Variants in FHDC1 observed in about 807,000 individuals in gnomAD.
FHDC1 encodes FH2 domain containing 1.
A neutral mutation model predicts 52.6 loss-of-function variants in FHDC1; 25 were observed. The observed-to-expected ratio is 0.48, with a 90% CI of 0.35 to 0.66. The LOEUF is 0.66. Among genes scored for constraint, FHDC1 ranks in the 30% least tolerant of loss-of-function variants. FHDC1 has a pLI of 0.01. For missense variants in FHDC1, 1,459 were observed against 1,452.8 expected (o/e 1.00, Z -0.07); for synonymous variants, 616 against 581.5 (o/e 1.06, Z -0.85).
chr4:152,945,078 G>C (rs1739689509), intron 2 of FHDC1, among the ~76,000 whole-genome samples: 1 of 152,188 alleles, frequency 6.6e-6, no homozygotes, highest in South Asian at 2.1e-4. Flanking sequence ...CGTGTCCCGG[G>C]GAGGCAGCTG....
chr4:152,936,855 C>G (rs1352784190), intron 1 of FHDC1, among the ~76,000 whole-genome samples: 1 of 152,274 alleles, frequency 6.6e-6, no homozygotes, highest in African/African-American at 2.4e-5. Context: ...AATGCGCAGC[C>G]GCGGCGCCGC....
chr4:152,942,094 T>G (rs188090617), intron 1 of FHDC1, among the ~76,000 whole-genome samples: 1 of 152,182 alleles, frequency 6.6e-6, no homozygotes, highest in African/African-American at 2.4e-5. Flanking sequence ...ATGTGGCAGA[T>G]GTGACATGGG....
At chr4:152,920,886 T>C in the FHDC1 span, among the ~76,000 whole-genome samples, 5 of 151,998 alleles carry the variant, frequency 3.3e-5, no homozygotes, top group African/African-American at 1.2e-4. Context: ...GAAAGACCAT[T>C]ATAAATAATT....
At chr4:152,970,266 G>A (rs1055235183) in intron 10 of FHDC1, among the ~76,000 whole-genome samples, 9 of 152,214 alleles carry the variant, frequency 5.9e-5, no homozygotes, top group African/African-American at 2.2e-4. Context: ...TGTGTAGCAG[G>A]CAAGTTAGAG....
chr4:152,922,038 A>G, the FHDC1 span, among the ~76,000 whole-genome samples: 1 of 152,302 alleles, frequency 6.6e-6, no homozygotes, highest in East Asian at 1.9e-4. Context: ...AGAGACACAA[A>G]AAACCCTTCA....
chr4:152,962,973 G>GTGTGTGTA, intron 7 of FHDC1, 50 bp from the exon 8 acceptor site: 3 of 1,506,694 alleles, frequency 2.0e-6, no homozygotes, highest in Middle Eastern at 1.7e-4. Flanking sequence ...GTGTGTGTGT[G>GTGTGTGTA]TGTGTGTGTA....
In FHDC1 at chr4:152,975,558, C is replaced by T. The variant is rs762013320; in HGVS notation, c.2267C>T (p.Ser756Phe). ...PDEPGSAALG[S>F]VGSSDPENKD... ...GAGCCTGGAAGTGCAGCTTTGGGAT[C>T]TGTGGGTAGCAGCGACCCTGAGAAC... Residue 756 changes from serine to phenylalanine, a missense_variant, in exon 12 of 12, where the codon TCT (serine) becomes TTT (phenylalanine). By Grantham distance (155) the Ser-to-Phe change is radical. Coordinates refer to ENST00000511601, the MANE Select transcript of FHDC1 (RefSeq NM_001371116.1). 6.2e-7 allele frequency: 1 copy of T among 1,613,626 alleles called. No individual in the cohort carries two copies. The highest frequency in any genetic ancestry group is 8.5e-7 in the Non-Finnish European group (1 of 1,180,030).
At chr4:152,958,133 A>G (rs2149949501) in intron 4 of FHDC1, among the ~76,000 whole-genome samples, 1 of 152,230 alleles carries the variant, frequency 6.6e-6, no homozygotes, top group Middle Eastern at 3.4e-3. Flanking sequence ...AAATCCTGCC[A>G]TTTCAAGCCA....
intron 1 of FHDC1, among the ~76,000 whole-genome samples, chr4:152,939,103 C>T (rs1361063294): frequency 6.6e-6 from 1 of 152,100 alleles, no homozygotes; most frequent in East Asian, 1.9e-4. Context: ...GTTGTTGCGA[C>T]GGAGTCTGGC....
intron 4 of FHDC1, among the ~76,000 whole-genome samples, chr4:152,959,814 A>C (rs1365917032): frequency 6.6e-6 from 1 of 152,200 alleles, no homozygotes; most frequent in East Asian, 1.9e-4. Context: ...TAGTATGTAC[A>C]TCCTAGTGTA....
intron 4 of FHDC1, among the ~76,000 whole-genome samples, 162 bp from the exon 5 acceptor site, chr4:152,960,402 CA>C (rs1740243138): frequency 6.6e-6 from 1 of 152,064 alleles, no homozygotes; most frequent in Admixed American, 6.5e-5. Flanking sequence ...TTAAAAAAAC[CA>C]AATAGCAGAT....
chr4:152,955,529 G>A (rs543186745), intron 4 of FHDC1, among the ~76,000 whole-genome samples: 3 of 151,940 alleles, frequency 2.0e-5, no homozygotes, highest in Non-Finnish European at 2.9e-5. Context: ...TTGCTCTGTC[G>A]CCCAGGCTGG....
intron 2 of FHDC1, among the ~76,000 whole-genome samples, chr4:152,953,077 T>G (rs2149945505): frequency 6.6e-6 from 1 of 151,840 alleles, no homozygotes; most frequent in Non-Finnish European, 1.5e-5. Context: ...GAGGTTGCAG[T>G]GAGCCAAGAT....
chr4:152,976,743 G>A lies in FHDC1; in HGVS notation c.*20G>A. 1 of 1,456,570 alleles carries A rather than the reference G, an allele frequency of 6.9e-7. No individual in the cohort carries two copies. Among genetic ancestry groups the A allele is most frequent in the Non-Finnish European group, 9.1e-7 (1 of 1,100,752 alleles). The allele number at this position is 1,456,570 out of a possible 1,614,324, so 90.2% of individuals were successfully genotyped here. On this transcript the variant is annotated 3_prime_UTR_variant, in exon 12 of 12. Transcript: ENST00000511601. ...AAGTGATGGGTGCCTGTCCTCTCCT[G>A]CCTCCTGGGATTCAGACGGTGAAGA... is the stretch of plus-strand genomic sequence containing the variant.
chr4:152,946,539 T>C (rs1739739431), intron 2 of FHDC1, among the ~76,000 whole-genome samples: 1 of 152,184 alleles, frequency 6.6e-6, no homozygotes, highest in South Asian at 2.1e-4. Context: ...CTAACAAAGA[T>C]CAGTAATAAA....
At position 152,942,673 on chromosome 4, in the gene FHDC1, A is replaced by G. The variant is rs78426089; in HGVS notation, c.-130-255A>G. Reference sequence around the variant, plus strand: ...ACTGAGCCTCTAGCAGGCTCTCAATATAAATGTGCTTTGTTGATTAATATA... The same window carrying G: ...ACTGAGCCTCTAGCAGGCTCTCAATGTAAATGTGCTTTGTTGATTAATATA... On this transcript the variant is annotated intron_variant, in intron 1 of 11. Coordinates refer to ENST00000511601, the MANE Select transcript of FHDC1 (RefSeq NM_001371116.1). Among the ~76,000 whole-genome samples, 229 of 152,342 alleles carry G rather than the reference A, an allele frequency of 1.5e-3. 5 individuals carry two copies. In the East Asian group the frequency reaches 0.035, roughly 23 times the overall value.
chr4:152,928,255 A>G, the FHDC1 span: 4 of 682,148 alleles, frequency 5.9e-6, no homozygotes, highest in Non-Finnish European at 8.1e-6. Flanking sequence ...GGTAGATCGG[A>G]CCATTCACGC....
Position 152,975,954 on chromosome 4 carries a change from C to T in FHDC1, c.2663C>T (p.Ala888Val), listed in dbSNP as rs1740859271. Residue 888 changes from alanine (A) to valine (V), a missense_variant, in exon 12 of 12, where the codon GCC (alanine) becomes GTC (valine). By Grantham distance (64) the Ala-to-Val change is moderately conservative (BLOSUM62 0). Around this residue, in one of 3 missense-constraint regions of FHDC1, gnomAD observed 939 missense variants for 854.5 expected, o/e 1.10. Transcript: ENST00000511601. Reference sequence around the variant, plus strand: ...GCCCGGCGGAGCCAGGGGGCAGTGGCCAAGTCTGTGCGGACCCTGACCGCC... The same window carrying T: ...GCCCGGCGGAGCCAGGGGGCAGTGGTCAAGTCTGTGCGGACCCTGACCGCC... Reference protein sequence around the residue: ...GSARRSQGAVAKSVRTLTASE... With the variant: ...GSARRSQGAVVKSVRTLTASE... 1 of 1,518,012 alleles carries T rather than the reference C, an allele frequency of 6.6e-7. No homozygotes were observed. Among genetic ancestry groups the T allele is most frequent in the Non-Finnish European group, 8.8e-7 (1 of 1,135,706 alleles). 94.0% of individuals were successfully genotyped at this position (1,518,012 alleles called of 1,614,324 possible). A position where few individuals can be genotyped will look rare whatever the true frequency, so the allele number is the denominator to read the frequency against.
rs1304128432 is a variant in FHDC1, at chr4:152,975,854, A to G, written c.2563A>G (p.Lys855Glu). ...CGGCCTGCCCAGGGACAAACCCACC[A>G]AAAGGAAAGATGTTGTAGCACCAAA... ...KGGLPRDKPTKRKDVVAPKRG... is the reference protein window; with the variant it reads ...KGGLPRDKPTERKDVVAPKRG... Residue 855 changes from lysine to glutamate, a missense_variant, in exon 12 of 12, where the codon AAA (lysine) becomes GAA (glutamate). Lys to Glu is a moderately conservative substitution (Grantham distance 56, BLOSUM62 1). This residue lies in a region of FHDC1 where 939 missense variants were observed against 854.5 expected (regional missense o/e 1.10). Transcript: ENST00000511601. 3 of 1,514,502 alleles carry G rather than the reference A, an allele frequency of 2.0e-6. No homozygotes were observed. The allele number at this position is 1,514,502 out of a possible 1,614,324, so 93.8% of individuals were successfully genotyped here. A position where few individuals can be genotyped will look rare whatever the true frequency, so the allele number is the denominator to read the frequency against.
Sources: gnomAD v4.1 joint callset for allele counts (sites outside exome capture counted in the v4.1 genomes callset) on GRCh38, gnomAD v4.1.1 for gene constraint, gnomAD v4.1.1 regional missense constraint, MANE v1.5 for transcripts, NCBI Gene and HGNC (gene_info 2026-07-23, HGNC 2026-07-21) for gene names.